Variants in PDZD7 observed in about 807,000 individuals in gnomAD.
PDZD7 encodes PDZ domain containing 7.
Under a neutral mutation model 84.7 loss-of-function variants are expected in PDZD7, and 72 were observed. The observed-to-expected ratio is 0.85, with a 90% CI of 0.70 to 1.03. The LOEUF (loss-of-function observed/expected upper bound fraction) is 1.03, where lower values mean the gene tolerates loss of function less well. Among genes scored for constraint, PDZD7 ranks in the 50% least tolerant of loss-of-function variants. The pLI, the probability that PDZD7 is intolerant of heterozygous loss-of-function variation, is 0.00. For missense variants in PDZD7, 1,490 were observed against 1,412.9 expected (o/e 1.05, Z -0.87); for synonymous variants, 594 against 580.7 (o/e 1.02, Z -0.33).
intron 8 of PDZD7, 123 bp from the exon 9 acceptor site, chr10:101,018,419 G>A: frequency 1.9e-6 from 2 of 1,047,444 alleles, no homozygotes; most frequent in Non-Finnish European, 2.8e-6. Flanking sequence ...CTGCAGCTAC[G>A]CCGGGGTGAG....
chr10:101,015,148 G>A (rs1156736189), intron 11 of PDZD7, among the ~76,000 whole-genome samples: 1 of 152,236 alleles, frequency 6.6e-6, no homozygotes, highest in African/African-American at 2.4e-5. Flanking sequence ...GGGCAACAGG[G>A]GAGAGGACCT....
intron 4 of PDZD7, 108 bp downstream of exon 4, chr10:101,023,328 A>G (rs963732621): frequency 7.7e-5 from 106 of 1,380,888 alleles, no homozygotes; most frequent in Non-Finnish European, 2.1e-5. Flanking sequence ...TTCCTGAGCC[A>G]GCGAGCAGGA....
intron 2 of PDZD7, among the ~76,000 whole-genome samples, chr10:101,026,492 G>A (rs574706652): frequency 1.1e-4 from 16 of 151,592 alleles, no homozygotes; most frequent in Non-Finnish European, 2.4e-4. Context: ...GGGGGGTAAG[G>A]GGGGGCACTG....
At position 101,019,067 on chromosome 10, in the gene PDZD7, C is replaced by T. The variant is rs571399433; in HGVS notation, c.1079G>A (p.Gly360Asp). The T allele has an allele frequency of 2.8e-4, 434 of 1,573,624 alleles. 1 individual carries two copies. Among genetic ancestry groups the T allele is most frequent in the Middle Eastern group, 1.2e-3 (6 of 5,152 alleles). Residue 360 changes from glycine (G) to aspartate (D), a missense_variant, in exon 8 of 17, where the codon GGC (glycine) becomes GAC (aspartate). Physicochemically the swap from Gly to Asp is moderately conservative, Grantham distance 94. Coordinates refer to ENST00000619208, the MANE Select transcript of PDZD7 (RefSeq NM_001195263.2). ...TGTGTCCGCCCGCCCCCAGCCTGGG[C>T]CGCGGCTGCCGGGCTCCTCCTGCCC... is the stretch of plus-strand genomic sequence containing the variant. ...CLGQEEPGSRGPGWGRADTAM... is the reference protein window; with the variant it reads ...CLGQEEPGSRDPGWGRADTAM...
intron 15 of PDZD7, 129 bp downstream of exon 15, chr10:101,010,143 C>T (rs1252390324): frequency 2.5e-6 from 3 of 1,209,046 alleles, no homozygotes; most frequent in Non-Finnish European, 3.3e-6. Context: ...GATCCGCCTG[C>T]CTCAGCCTCC....
In PDZD7 at chr10:101,020,696, G is replaced by A. The variant is rs372029832; in HGVS notation, c.868-18C>T. On this transcript the variant is annotated intron_variant, in intron 6 of 16. Coordinates refer to ENST00000619208, the MANE Select transcript of PDZD7 (RefSeq NM_001195263.2). Reference sequence around the variant, plus strand: ...CCGGTCTCCTGGGGAGGGGATGGTGGGCATAGGAGGGAAGGGGGAGCAGTG... The same window carrying A: ...CCGGTCTCCTGGGGAGGGGATGGTGAGCATAGGAGGGAAGGGGGAGCAGTG... 6.2e-7 allele frequency: 1 copy of A among 1,603,750 alleles called. No homozygotes were observed. The highest frequency in any genetic ancestry group is 1.3e-5 in the African/African-American group (1 of 74,806).
rs1025144704 is a variant in PDZD7 at position 101,008,718 on chromosome 10, CG to C, written c.2850del (p.Ser953AlafsTer92). 1.8e-5 allele frequency: 28 copies of C among 1,535,786 alleles called. No individual in the cohort carries two copies. The Admixed American group carries it at 4.3e-4, about 24-fold the overall frequency. ...REPMELVVRVPGPSPRPSPSD... is the reference protein window; with the variant it reads ...REPMELVVRVXGPSPRPSPSD... ...GAGGGTGAGGGCCGTGGGCTGGGCC[CG>C]GGGACCCTGACCACAAGCTCCATGG... On this transcript the variant is annotated frameshift_variant, in exon 17 of 17. Transcript: ENST00000619208. LOFTEE classifies it low-confidence loss of function (END_TRUNC).
Position 101,008,088 on chromosome 10 carries a change from T to C in PDZD7, c.*379A>G, listed in dbSNP as rs987548178. ...TGCTTGGGGTTGAGGAATGGATGCATTGACCCCTTCAGGGCCCTGTCTGAG... is the reference window on the plus strand; with the variant it reads ...TGCTTGGGGTTGAGGAATGGATGCACTGACCCCTTCAGGGCCCTGTCTGAG... On this transcript the variant is annotated 3_prime_UTR_variant, in exon 17 of 17. Coordinates refer to ENST00000619208, the MANE Select transcript of PDZD7 (RefSeq NM_001195263.2). 5 of 255,206 alleles carry C rather than the reference T, an allele frequency of 2.0e-5. No homozygotes were observed. The highest frequency in any genetic ancestry group is 3.0e-5 in the Non-Finnish European group (4 of 133,406). 15.8% of individuals were successfully genotyped at this position (255,206 alleles called of 1,614,324 possible).
Position 101,023,950 on chromosome 10 carries a change from T to G in PDZD7, c.345A>C (p.Lys115Asn). 1.2e-6 allele frequency: 2 copies of G among 1,614,226 alleles called. No homozygotes were observed. The highest frequency in any genetic ancestry group is 1.7e-6 in the Non-Finnish European group (2 of 1,180,026). The part of the protein sequence containing the change: ...SEHGLGIFVS[K>N]VEEGSSAERA... The stretch of plus-strand genomic sequence containing the variant: ...TACCTGCACTGCTGCCTTCCTCCAC[T>G]TTGCTGACGAAGATGCCCAGGCCAT... Residue 115 changes from lysine to asparagine, a missense_variant, in exon 3 of 17, where the codon AAA becomes AAC. Transcript: ENST00000619208.
At position 101,018,386 on chromosome 10, in the gene PDZD7, G is replaced by A. The variant is rs532310060; in HGVS notation, c.1325-90C>T. 8.2e-5 allele frequency: 113 copies of A among 1,384,518 alleles called. No individual in the cohort carries two copies. The African/African-American group carries it at 1.6e-3, about 19-fold the overall frequency. 85.8% of individuals were successfully genotyped at this position (1,384,518 alleles called of 1,614,324 possible). A position where few individuals can be genotyped will look rare whatever the true frequency, so the allele number is the denominator to read the frequency against. On this transcript the variant is annotated intron_variant, in intron 8 of 16. Transcript: ENST00000619208. ...GGGTGTGGGGAGGGACAGAGAGAAGGGAGAGGAGAGGGCAGACAGGATCTG... is the reference window on the plus strand; with the variant it reads ...GGGTGTGGGGAGGGACAGAGAGAAGAGAGAGGAGAGGGCAGACAGGATCTG...
chr10:101,025,554 A>T (rs1181792322), intron 2 of PDZD7, among the ~76,000 whole-genome samples: 1 of 149,048 alleles, frequency 6.7e-6, no homozygotes, highest in South Asian at 2.1e-4. Context: ...TTATTTATTT[A>T]TTTATTTATC....
In PDZD7 at chr10:101,009,231, C is replaced by G; in HGVS notation, c.2718+19G>C. On this transcript the variant is annotated intron_variant, in intron 16 of 16. Transcript: ENST00000619208. ...TCAGCTGTGCTCTGAGAGGGTGGGCCAGGGCATGCTTCACCCACCTGCAGG... is the reference window on the plus strand; with the variant it reads ...TCAGCTGTGCTCTGAGAGGGTGGGCGAGGGCATGCTTCACCCACCTGCAGG... The G allele has an allele frequency of 6.6e-7, 1 of 1,524,224 alleles. No homozygotes were observed. The highest frequency in any genetic ancestry group is 8.8e-7 in the Non-Finnish European group (1 of 1,136,292). The allele number at this position is 1,524,224 out of a possible 1,614,324, so 94.4% of individuals were successfully genotyped here.
Position 101,008,149 on chromosome 10 carries a change from G to A in PDZD7, c.*318C>T, listed in dbSNP as rs1852281442. On this transcript the variant is annotated 3_prime_UTR_variant, in exon 17 of 17. Coordinates refer to ENST00000619208, the MANE Select transcript of PDZD7 (RefSeq NM_001195263.2). ...CCTGGAGGCTTGGGCGACTCATAAG[G>A]GACAGCATGTGAGAAAGTGCCCACC... is the stretch of plus-strand genomic sequence containing the variant. The A allele has an allele frequency of 2.4e-6, 1 of 420,302 alleles. No individual in the cohort carries two copies. Among genetic ancestry groups the A allele is most frequent in the East Asian group, 3.6e-5 (1 of 27,456 alleles). The allele number at this position is 420,302 out of a possible 1,614,324, so 26.0% of individuals were successfully genotyped here.
intron 6 of PDZD7, among the ~76,000 whole-genome samples, chr10:101,020,945 T>C (rs1374823199): frequency 6.6e-6 from 1 of 152,236 alleles, no homozygotes; most frequent in Non-Finnish European, 1.5e-5. Flanking sequence ...GTTAATTTCC[T>C]TAGAGCATTT....
At position 101,018,077 on chromosome 10, in the gene PDZD7, G is replaced by A. The variant is rs778276133; in HGVS notation, c.1522+22C>T. 6.8e-6 allele frequency: 11 copies of A among 1,614,088 alleles called. 1 individual carries two copies. The South Asian group carries it at 1.2e-4, about 18-fold the overall frequency. On this transcript the variant is annotated intron_variant, in intron 9 of 16. Coordinates refer to ENST00000619208, the MANE Select transcript of PDZD7 (RefSeq NM_001195263.2). ...CTAGTGGACTTCACTTTGCCTTCCT[G>A]TTTGATCAGCCCACTACTTACCTTT... is the stretch of plus-strand genomic sequence containing the variant.
At chr10:101,011,023 GCAGA>G in intron 14 of PDZD7, 140 bp from the exon 15 acceptor site, 1 of 1,473,118 alleles carries the variant, frequency 6.8e-7, no homozygotes, top group Non-Finnish European at 9.0e-7. Flanking sequence ...CACCGGGGAG[GCAGA>G]CAGACATGTT....
rs528381893 is a variant in PDZD7 at position 101,020,620 on chromosome 10, C to T, written c.926G>A (p.Arg309Gln). 60 of 1,613,386 alleles carry T rather than the reference C, an allele frequency of 3.7e-5. No homozygotes were observed. Among genetic ancestry groups the T allele is most frequent in the Admixed American group, 1.5e-4 (9 of 59,982 alleles). ...EMVSEYCWLD[R>Q]LSNGVLQQLS... ...CTTGGGAGATCTGAGCCACTTACGTCGGTCCAGCCAGCAGTACTCAGAAAC... is the reference window on the plus strand; with the variant it reads ...CTTGGGAGATCTGAGCCACTTACGTTGGTCCAGCCAGCAGTACTCAGAAAC... Residue 309 changes from arginine to glutamine, a missense_variant and splice_region_variant, in exon 7 of 17, where the codon CGA (arginine) becomes CAA (glutamine). Coordinates refer to ENST00000619208, the MANE Select transcript of PDZD7 (RefSeq NM_001195263.2).
In PDZD7 at chr10:101,008,671, A is replaced by G; in HGVS notation, c.2898T>C (p.Asp966=). The G allele has an allele frequency of 1.3e-6, 2 of 1,536,044 alleles. No homozygotes were observed. The highest frequency in any genetic ancestry group is 1.7e-6 in the Non-Finnish European group (2 of 1,146,874). ...GCAAGTGGTCAGCAGGAAGGCCCCC[A>G]TCAGTAAGGGCTGATGAGTCAGAGG... The part of the protein sequence containing the change: ...PSPSDSSALT[D]GGLPADHLPA... Residue 966 remains aspartate, a synonymous_variant, in exon 17 of 17, where the codon GAT becomes GAC. Transcript: ENST00000619208.
chr10:101,011,176 G>A (rs773702101), intron 14 of PDZD7: 352 of 767,132 alleles, frequency 4.6e-4, no homozygotes, highest in Non-Finnish European at 6.0e-4. Context: ...GGAGTAGCTG[G>A]GATTACAGGC....
Sources: allele counts gnomAD v4.1 joint callset (sites outside exome capture counted in the v4.1 genomes callset), GRCh38; gene constraint gnomAD v4.1.1; transcripts MANE v1.5; gene names NCBI Gene and HGNC (gene_info 2026-07-23, HGNC 2026-07-21).